The following TAFA1 variants were observed in gnomAD, a reference collection of about 807,000 sequenced individuals.
The protein encoded by TAFA1 is TAFA chemokine like family member 1, also known as chemokine-like protein TAFA-1.
A neutral mutation model predicts 18.5 loss-of-function variants in TAFA1; 4 were observed. The ratio of observed to expected loss-of-function variants is 0.22; its 90% CI spans 0.11 to 0.49. The LOEUF (loss-of-function observed/expected upper bound fraction) is 0.49. Among genes scored for constraint, TAFA1 ranks in the 20% least tolerant of loss-of-function variants. TAFA1 has a pLI of 0.98. For synonymous variants in TAFA1, 56 were observed against 55.2 expected (o/e 1.01, Z -0.06); for missense variants, 147 against 169.0 (o/e 0.87, Z 0.72).
chr3:68,379,007 A>G (rs1358626523), intron 2 of TAFA1, among the ~76,000 whole-genome samples: 1 of 152,112 alleles, frequency 6.6e-6, no homozygotes, highest in Admixed American at 6.6e-5. Context: ...TAGTCGTGTG[A>G]AAACAGAATA....
At chr3:68,219,132 T>G (rs1475583337) in intron 2 of TAFA1, among the ~76,000 whole-genome samples, 2 of 152,060 alleles carry the variant, frequency 1.3e-5, no homozygotes, top group Non-Finnish European at 2.9e-5. Flanking sequence ...GAGGATTTCT[T>G]TTTATCACTA....
intron 3 of TAFA1, among the ~76,000 whole-genome samples, chr3:68,520,497 T>A (rs1372529972): frequency 6.6e-6 from 1 of 152,212 alleles, no homozygotes; most frequent in Non-Finnish European, 1.5e-5. Context: ...CTTGCAGAAA[T>A]CATGTCAGAA....
At chr3:68,067,940 AAAAAAAC>A (rs1238951736) in intron 2 of TAFA1, among the ~76,000 whole-genome samples, 9 of 152,070 alleles carry the variant, frequency 5.9e-5, no homozygotes, top group African/African-American at 1.2e-4. Context: ...AATGCTTTAC[AAAAAAAC>A]AAAAAACAAA....
chr3:68,309,725 A>G (rs2068482644), intron 2 of TAFA1, among the ~76,000 whole-genome samples: 1 of 152,234 alleles, frequency 6.6e-6, no homozygotes, highest in Admixed American at 6.5e-5. Flanking sequence ...AAGTAAATGT[A>G]TTGGCCCACA....
intron 2 of TAFA1, among the ~76,000 whole-genome samples, chr3:68,027,642 G>A (rs912102325): frequency 5.3e-4 from 80 of 152,192 alleles, no homozygotes; most frequent in African/African-American, 1.8e-3. Flanking sequence ...ACATCTCCTT[G>A]TCTCTGTTTT....
intron 2 of TAFA1, among the ~76,000 whole-genome samples, chr3:68,361,240 A>C (rs1391008108): frequency 7.9e-5 from 12 of 152,046 alleles, no homozygotes; most frequent in Non-Finnish European, 1.2e-4. Context: ...AAAACCGAAC[A>C]CAGAAAGATA....
chr3:68,176,360 T>C (rs2066126089), intron 2 of TAFA1, among the ~76,000 whole-genome samples: 1 of 152,134 alleles, frequency 6.6e-6, no homozygotes, highest in Non-Finnish European at 1.5e-5. Flanking sequence ...CAAGTCCCTG[T>C]GGTCCTAGCT....
chr3:68,070,207 T>C (rs2064735883), intron 2 of TAFA1, among the ~76,000 whole-genome samples: 1 of 152,246 alleles, frequency 6.6e-6, no homozygotes, highest in African/African-American at 2.4e-5. Flanking sequence ...GGCATTTCTA[T>C]ACATCTTCTG....
chr3:68,423,740 GTTGTC>G (rs1407663500), intron 3 of TAFA1, among the ~76,000 whole-genome samples: 4 of 149,094 alleles, frequency 2.7e-5, no homozygotes, highest in Admixed American at 1.4e-4. Context: ...TTAGGATTTT[GTTGTC>G]TTGTAATTTT....
intron 2 of TAFA1, among the ~76,000 whole-genome samples, chr3:68,254,172 T>TCTATCTATCTAC (rs60428752): frequency 0.026 from 3,923 of 148,930 alleles, 133 homozygotes; most frequent in East Asian, 0.16. Flanking sequence ...TATCTATCTA[T>TCTATCTATCTAC]CTATCTATCT....
chr3:68,443,491 A>AAC (rs1553691477), intron 3 of TAFA1, among the ~76,000 whole-genome samples: 13 of 132,862 alleles, frequency 9.8e-5, no homozygotes, highest in African/African-American at 2.7e-4. Flanking sequence ...AAAAAAAAAA[A>AAC]AAAAACAAAA....
chr3:68,167,978 A>C (rs1230040970), intron 2 of TAFA1, among the ~76,000 whole-genome samples: 1 of 152,120 alleles, frequency 6.6e-6, no homozygotes, highest in Non-Finnish European at 1.5e-5. Context: ...ACAACTTTGC[A>C]CCTAAATGTA....
chr3:68,072,984 C>T (rs1331782113), intron 2 of TAFA1, among the ~76,000 whole-genome samples: 6 of 152,118 alleles, frequency 3.9e-5, no homozygotes, highest in Admixed American at 3.9e-4. Flanking sequence ...ATGAAATTTA[C>T]CTAAAAAGGA....
At chr3:68,009,576 T>C (rs1216851236) in intron 2 of TAFA1, among the ~76,000 whole-genome samples, 1 of 152,190 alleles carries the variant, frequency 6.6e-6, no homozygotes. Flanking sequence ...GAAGAAACTA[T>C]AAATATCCCT....
chr3:68,237,246 G>A (rs2066938456), intron 2 of TAFA1, among the ~76,000 whole-genome samples: 1 of 152,178 alleles, frequency 6.6e-6, no homozygotes, highest in Admixed American at 6.5e-5. Flanking sequence ...GATCTCAGTG[G>A]TGGAAGGAAC....
At chr3:68,408,254 C>G (rs901565754) in intron 2 of TAFA1, among the ~76,000 whole-genome samples, 5 of 152,118 alleles carry the variant, frequency 3.3e-5, no homozygotes, top group African/African-American at 1.2e-4. Context: ...CAAAAGTTGT[C>G]TTTGGCTATA....
intron 2 of TAFA1, among the ~76,000 whole-genome samples, chr3:68,232,487 G>A (rs1178488456): frequency 6.6e-6 from 1 of 152,006 alleles, no homozygotes; most frequent in Admixed American, 6.5e-5. Flanking sequence ...TCTCTATTTT[G>A]GCTATTGTGA....
intron 2 of TAFA1, among the ~76,000 whole-genome samples, chr3:68,336,340 T>C (rs2068968942): frequency 6.6e-6 from 1 of 152,342 alleles, no homozygotes; most frequent in Middle Eastern, 3.4e-3. Flanking sequence ...ATTTTCATGC[T>C]TTTGGGATCC....
chr3:68,500,390 T>C (rs1326939993), intron 3 of TAFA1, among the ~76,000 whole-genome samples: 1 of 152,184 alleles, frequency 6.6e-6, no homozygotes, highest in Non-Finnish European at 1.5e-5. Flanking sequence ...TCTTTGTTTT[T>C]AGACTTCTCA....
Sources: gnomAD v4.1 joint callset for allele counts (sites outside exome capture counted in the v4.1 genomes callset) on GRCh38, gnomAD v4.1.1 for gene constraint, MANE v1.5 for transcripts, NCBI Gene and HGNC (gene_info 2026-07-23, HGNC 2026-07-21) for gene names.